Variants in LRRCC1 observed in about 807,000 individuals in gnomAD.
LRRCC1 encodes the protein leucine rich repeat and coiled-coil centrosomal protein 1, also known as leucine-rich repeat and coiled-coil domain-containing protein 1.
LRRCC1 carries 115 observed loss-of-function variants against 126.0 expected under a neutral mutation model. The observed-to-expected ratio is 0.91, with a 90% CI of 0.78 to 1.07. The LOEUF is 1.07. Ranked by LOEUF, LRRCC1 falls within the 50% of genes least tolerant of loss-of-function variation. The pLI, the probability that LRRCC1 is intolerant of heterozygous loss-of-function variation, is 0.00. For missense variants in LRRCC1, 1,172 were observed against 1,175.7 expected, an observed-to-expected ratio of 1.00 and a Z score of 0.05; for synonymous variants, 400 against 393.4, an observed-to-expected ratio of 1.02 and a Z score of -0.20.
At chr8:85,126,286 G>C (rs749435529) in intron 8 of LRRCC1, among the ~76,000 whole-genome samples, 13 of 152,158 alleles carry the variant, frequency 8.5e-5, no homozygotes, top group Non-Finnish European at 2.9e-5. Flanking sequence ...GCCCGGCGCA[G>C]TGGCTCACAC....
At chr8:85,143,237 C>T (rs541560147) in intron 18 of LRRCC1, among the ~76,000 whole-genome samples, 1 of 152,084 alleles carries the variant, frequency 6.6e-6, no homozygotes, top group East Asian at 1.9e-4. Flanking sequence ...AGGAGAATTG[C>T]TTGAACCCAG....
intron 12 of LRRCC1, among the ~76,000 whole-genome samples, chr8:85,132,956 C>T (rs1247695205): frequency 6.6e-6 from 1 of 152,178 alleles, no homozygotes; most frequent in African/African-American, 2.4e-5. Flanking sequence ...TACAAACATG[C>T]TGTGATTTCT....
At chr8:85,136,426 C>G (rs1325869890) in intron 14 of LRRCC1, among the ~76,000 whole-genome samples, 2 of 152,058 alleles carry the variant, frequency 1.3e-5, no homozygotes, top group Middle Eastern at 3.4e-3. Flanking sequence ...AGCCATGTGC[C>G]GCCACACCTG....
At chr8:85,108,248 A>G (rs1371339343) in intron 1 of LRRCC1, among the ~76,000 whole-genome samples, 1 of 152,230 alleles carries the variant, frequency 6.6e-6, no homozygotes, top group Non-Finnish European at 1.5e-5. Flanking sequence ...ACTTTGCCAG[A>G]TGATCCCAAG....
chr8:85,126,381 AC>A (rs576994704), intron 8 of LRRCC1, among the ~76,000 whole-genome samples: 43 of 151,782 alleles, frequency 2.8e-4, no homozygotes, highest in Non-Finnish European at 4.7e-4. Flanking sequence ...ACGTGGTGAA[AC>A]CCCATCTCTA....
chr8:85,140,353 G>A (rs1010663072), intron 17 of LRRCC1, among the ~76,000 whole-genome samples: 4 of 152,080 alleles, frequency 2.6e-5, no homozygotes, highest in Non-Finnish European at 4.4e-5. Context: ...ATCCTGTAAG[G>A]TTGGCAGAAC....
chr8:85,129,776 A>T, intron 10 of LRRCC1, 143 bp from the exon 11 acceptor site: 1 of 601,330 alleles, frequency 1.7e-6, no homozygotes, highest in Non-Finnish European at 2.7e-6. Context: ...ACTTTGTGTG[A>T]CTGTAACATC....
At chr8:85,134,513 T>A (rs1810716740) in intron 12 of LRRCC1, among the ~76,000 whole-genome samples, 1 of 152,094 alleles carries the variant, frequency 6.6e-6, no homozygotes, top group Admixed American at 6.6e-5. Flanking sequence ...AGAGATAGGG[T>A]TTTACCATTT....
At chr8:85,119,255 T>C (rs534119455) in intron 6 of LRRCC1, among the ~76,000 whole-genome samples, 2 of 152,252 alleles carry the variant, frequency 1.3e-5, no homozygotes, top group East Asian at 3.9e-4. Flanking sequence ...TCCCTTATTA[T>C]ACTTTTAATT....
At chr8:85,145,146 T>C (rs1052455130) in intron 18 of LRRCC1, among the ~76,000 whole-genome samples, 2 of 147,280 alleles carry the variant, frequency 1.4e-5, no homozygotes, top group Non-Finnish European at 3.0e-5. Flanking sequence ...GCCATGTCTT[T>C]TTCACAAGTT....
At chr8:85,144,871 C>T (rs1389393099) in intron 18 of LRRCC1, among the ~76,000 whole-genome samples, 1 of 147,502 alleles carries the variant, frequency 6.8e-6, no homozygotes, top group East Asian at 2.0e-4. Flanking sequence ...GAGATCGAGA[C>T]CATCCTGGCT....
In LRRCC1 at chr8:85,145,637, A is replaced by AT; in HGVS notation, c.*131dup. ...TTTCTATACATTTCATTATGAATAT[A>AT]TTTTTAAAGACTTTTGATCAAGTAT... On this transcript the variant is annotated 3_prime_UTR_variant, in exon 19 of 19. Coordinates refer to ENST00000360375, the MANE Select transcript of LRRCC1 (RefSeq NM_033402.5). 1.4e-6 allele frequency: 1 copy of AT among 711,410 alleles called. No homozygotes were observed. The highest frequency in any genetic ancestry group is 2.1e-6 in the Non-Finnish European group (1 of 478,444). The allele number at this position is 711,410 out of a possible 1,614,324, so 44.1% of individuals were successfully genotyped here.
rs1234276402 is a variant in LRRCC1, at chr8:85,134,998, C to A, written c.2120C>A (p.Ser707Tyr). The change falls in exon 13 of 19, where the codon TCT becomes TAT. Residue 707 changes from serine to tyrosine, a missense_variant. Transcript: ENST00000360375. Reference sequence around the variant, plus strand: ...CAAAAAACAAAACTGGCAGAAGTTTCTAAATTGAAACAAGAAACAGCAGCA... The same window carrying A: ...CAAAAAACAAAACTGGCAGAAGTTTATAAATTGAAACAAGAAACAGCAGCA... ...KEQKTKLAEV[S>Y]KLKQETAANL... is the part of the protein sequence containing the mutation. 1.9e-5 allele frequency: 30 copies of A among 1,543,900 alleles called. No individual in the cohort carries two copies. The highest frequency in any genetic ancestry group is 2.6e-5 in the Non-Finnish European group (30 of 1,156,136).
chr8:85,109,331 AT>A (rs1171618251), intron 1 of LRRCC1: 1 of 445,016 alleles, frequency 2.2e-6, no homozygotes, highest in African/African-American at 2.0e-5. Context: ...ATATATGCTG[AT>A]GACTGCACAC....
Position 85,115,206 on chromosome 8 carries a change from G to T in LRRCC1, c.651G>T (p.Leu217=). The change falls in exon 5 of 19, where the codon CTG becomes CTT. Residue 217 remains leucine, a synonymous_variant. Transcript: ENST00000360375. The stretch of plus-strand genomic sequence containing the variant: ...TGACAGAAATAAATTCATCACAGCT[G>T]CAGTGCCTAGAAGGTCTTTTGGATA... The part of the protein sequence containing the change: ...VNLTEINSSQ[L]QCLEGLLDNL... 1 of 1,612,550 alleles carries T rather than the reference G, an allele frequency of 6.2e-7. No homozygotes were observed. The highest frequency in any genetic ancestry group is 8.5e-7 in the Non-Finnish European group (1 of 1,179,064).
intron 10 of LRRCC1, 27 bp downstream of exon 10, chr8:85,129,406 A>G: frequency 2.0e-6 from 3 of 1,535,032 alleles, no homozygotes; most frequent in Non-Finnish European, 1.8e-6. Flanking sequence ...ATATATGAGT[A>G]GCACAGATTA....
In LRRCC1 at chr8:85,145,668, A is replaced by G. The variant is rs143027928; in HGVS notation, c.*157A>G. ...AAAGACTTTTGATCAAGTATTTATT[A>G]ATTGTATAGGTTTTTTATAATAAAT... is the stretch of plus-strand genomic sequence containing the variant. On this transcript the variant is annotated 3_prime_UTR_variant, in exon 19 of 19. Transcript: ENST00000360375. 2.8e-6 allele frequency: 1 copy of G among 360,482 alleles called. No homozygotes were observed. The highest frequency in any genetic ancestry group is 4.7e-6 in the Non-Finnish European group (1 of 211,874). 22.3% of individuals were successfully genotyped at this position (360,482 alleles called of 1,614,324 possible).
At chr8:85,138,296 T>A in intron 16 of LRRCC1, 42 bp from the exon 17 acceptor site, 1 of 1,584,488 alleles carries the variant, frequency 6.3e-7, no homozygotes. Flanking sequence ...GCTTAATAAT[T>A]TAATAAACCC....
chr8:85,111,030 G>A lies in LRRCC1; in HGVS notation c.376+850G>A, dbSNP rs118141370. Among the ~76,000 whole-genome samples the A allele has an allele frequency of 3.9e-3, 587 of 152,320 alleles. 1 individual carries two copies. Among genetic ancestry groups the A allele is most frequent in the Admixed American group, 9.8e-3 (150 of 15,300 alleles). On this transcript the variant is annotated intron_variant, in intron 3 of 18. Transcript: ENST00000360375. ...GTACCCTTAAGCTGAAGTAACAACT[G>A]TATTTCAATTTTTTAAAACCTTTTT... is the stretch of plus-strand genomic sequence containing the variant.
Sources: allele counts gnomAD v4.1 joint callset (sites outside exome capture counted in the v4.1 genomes callset), GRCh38; gene constraint gnomAD v4.1.1; transcripts MANE v1.5; gene names NCBI Gene and HGNC (gene_info 2026-07-23, HGNC 2026-07-21).